Variants in DYNAP observed in about 807,000 individuals in gnomAD.
The protein encoded by DYNAP is dynactin-associated protein.
In DYNAP, 7 loss-of-function variants were observed where a neutral mutation model predicts 8.5. The observed-to-expected ratio is 0.82, with a 90% confidence interval of 0.47 to 1.54. The LOEUF (loss-of-function observed/expected upper bound fraction) is 1.54, where lower values mean the gene tolerates loss of function less well. DYNAP is among the 40% of genes most tolerant of loss of function. The pLI, the probability that DYNAP is intolerant of heterozygous loss-of-function variation, is 0.01. For synonymous variants in DYNAP, 77 were observed against 77.9 expected, an observed-to-expected ratio of 0.99 and a Z score of 0.06; for missense variants, 256 against 224.3, an observed-to-expected ratio of 1.14 and a Z score of -0.90.
At chr18:54,591,450 A>G (rs1457967248) in intron 1 of DYNAP, 111 bp downstream of exon 1, 8 of 1,292,462 alleles carry the variant, frequency 6.2e-6, no homozygotes, top group Non-Finnish European at 8.2e-6. Flanking sequence ...ATAATTTTGC[A>G]TTCTTCTCCA....
the DYNAP span, among the ~76,000 whole-genome samples, chr18:54,578,330 GT>G: frequency 1.3e-5 from 2 of 152,294 alleles, no homozygotes; most frequent in Admixed American, 1.3e-4. Flanking sequence ...GGCAGGATTG[GT>G]TTTCGTGTTA....
upstream of DYNAP, chr18:54,591,168 C>G: frequency 6.3e-7 from 1 of 1,592,680 alleles, no homozygotes; most frequent in Non-Finnish European, 8.6e-7. Context: ...TGTACTGATG[C>G]ATCATAGTTG....
At chr18:54,597,560 G>A (rs1182475703) in intron 2 of DYNAP, among the ~76,000 whole-genome samples, 2 of 151,984 alleles carry the variant, frequency 1.3e-5, no homozygotes, top group Non-Finnish European at 2.9e-5. Context: ...AATAAAGTCT[G>A]TTAAAAAGAA....
At chr18:54,595,372 AG>A (rs1911245381) in intron 2 of DYNAP, among the ~76,000 whole-genome samples, 1 of 152,128 alleles carries the variant, frequency 6.6e-6, no homozygotes, top group African/African-American at 2.4e-5. Context: ...TGAAAATCAA[AG>A]GAATAAGTGT....
At chr18:54,591,022 T>G, upstream of DYNAP, 1 of 473,728 alleles carries the variant, frequency 2.1e-6, no homozygotes, top group Non-Finnish European at 3.6e-6. Context: ...AATGTAAGGT[T>G]TTCAGAGGGA....
At chr18:54,589,455 G>A (rs1038081087), upstream of DYNAP, among the ~76,000 whole-genome samples, 2 of 152,104 alleles carry the variant, frequency 1.3e-5, no homozygotes, top group Non-Finnish European at 2.9e-5. Flanking sequence ...CATAATACAT[G>A]GTGAAGAAAT....
the DYNAP span, among the ~76,000 whole-genome samples, chr18:54,581,781 T>A: frequency 6.6e-6 from 1 of 152,146 alleles, no homozygotes; most frequent in African/African-American, 2.4e-5. Context: ...AAGGAAAAAC[T>A]TATTTTCAAG....
At chr18:54,591,137 G>A (rs1911053773), upstream of DYNAP, 4 of 1,426,320 alleles carry the variant, frequency 2.8e-6, no homozygotes, top group Middle Eastern at 1.9e-4. Flanking sequence ...TGAATAATTA[G>A]TATTTAGTTT....
At chr18:54,579,440 A>G in the DYNAP span, among the ~76,000 whole-genome samples, 1 of 152,232 alleles carries the variant, frequency 6.6e-6, no homozygotes, top group Non-Finnish European at 1.5e-5. Context: ...CTGCAAGTCC[A>G]ATACATAAGT....
upstream of DYNAP, among the ~76,000 whole-genome samples, chr18:54,583,124 G>A (rs1439314362): frequency 3.9e-5 from 6 of 152,142 alleles, no homozygotes; most frequent in Non-Finnish European, 8.8e-5. Context: ...TTTAGGTAAT[G>A]TAAGCAGAAA....
the DYNAP span, among the ~76,000 whole-genome samples, chr18:54,575,805 GCA>G: frequency 1.3e-5 from 2 of 151,152 alleles, no homozygotes; most frequent in Admixed American, 6.6e-5. Context: ...AACATAACAT[GCA>G]CACACACACA....
chr18:54,597,559 T>G (rs756435801), intron 2 of DYNAP, among the ~76,000 whole-genome samples: 62 of 152,206 alleles, frequency 4.1e-4, no homozygotes, highest in Admixed American at 9.8e-4. Flanking sequence ...AAATAAAGTC[T>G]GTTAAAAAGA....
chr18:54,579,318 G>T, the DYNAP span, among the ~76,000 whole-genome samples: 23 of 152,198 alleles, frequency 1.5e-4, 1 homozygote, highest in South Asian at 4.8e-3. Context: ...TTTTAAGTTT[G>T]GTGTCTGGGT....
chr18:54,580,121 A>G, the DYNAP span, among the ~76,000 whole-genome samples: 1 of 152,214 alleles, frequency 6.6e-6, no homozygotes, highest in African/African-American at 2.4e-5. Context: ...GAATGATATT[A>G]TTGACTATTT....
the DYNAP span, among the ~76,000 whole-genome samples, chr18:54,577,463 C>T: frequency 1.3e-5 from 2 of 151,842 alleles, no homozygotes; most frequent in African/African-American, 4.8e-5. Flanking sequence ...CGCCTGTGGT[C>T]CCAGCTACTT....
the DYNAP span, among the ~76,000 whole-genome samples, chr18:54,576,811 C>G: frequency 1.3e-5 from 2 of 148,934 alleles, no homozygotes; most frequent in Non-Finnish European, 3.0e-5. Context: ...CCAACAACAA[C>G]AACAACAACA....
the DYNAP span, among the ~76,000 whole-genome samples, chr18:54,577,120 C>T: frequency 6.6e-6 from 1 of 152,040 alleles, no homozygotes; most frequent in Non-Finnish European, 1.5e-5. Context: ...TTCTCTAAGG[C>T]AAAATGGAAG....
chr18:54,597,900 G>T lies in DYNAP; in HGVS notation c.310G>T (p.Val104Leu), dbSNP rs1441236425. The change falls in exon 3 of 3, where the codon GTA (valine) becomes TTA (leucine). Residue 104 changes from valine (V) to leucine (L), a missense_variant. Val to Leu is a conservative substitution (Grantham distance 32). Coordinates refer to ENST00000648945, the MANE Select transcript of DYNAP (RefSeq NM_173629.3). ...CTGTGTGATAATGACAGCAATTGGA[G>T]TACTTATAATATGCTTGGTGAATAA... ...LACVIMTAIG[V>L]LIICLVNNKG... The T allele has an allele frequency of 1.2e-6, 2 of 1,613,618 alleles. No individual in the cohort carries two copies. Among genetic ancestry groups the T allele is most frequent in the Non-Finnish European group, 1.7e-6 (2 of 1,179,736 alleles).
upstream of DYNAP, among the ~76,000 whole-genome samples, chr18:54,582,960 T>C (rs2144879190): frequency 6.6e-6 from 1 of 152,308 alleles, no homozygotes; most frequent in Admixed American, 6.5e-5. Context: ...GTACTTATTA[T>C]CCAGCTTCAA....
Sources: gnomAD v4.1 joint callset for allele counts (sites outside exome capture counted in the v4.1 genomes callset) on GRCh38, gnomAD v4.1.1 for gene constraint, MANE v1.5 for transcripts, NCBI Gene and HGNC (gene_info 2026-07-23, HGNC 2026-07-21) for gene names.